The following PABPC4L variants were observed in gnomAD, a reference collection of about 807,000 sequenced individuals.
PABPC4L encodes the protein poly(A) binding protein cytoplasmic 4 like.
For synonymous variants in PABPC4L, 169 were observed against 164.1 expected, an observed-to-expected ratio of 1.03 and a Z score of -0.23; for missense variants, 452 against 451.4, an observed-to-expected ratio of 1.00 and a Z score of -0.01.
downstream of PABPC4L, among the ~76,000 whole-genome samples, chr4:134,193,358 AT>A (rs1169719616): frequency 5.3e-5 from 8 of 151,996 alleles, no homozygotes; most frequent in Non-Finnish European, 8.8e-5. Flanking sequence ...AAAAGCAGAA[AT>A]GTGAAGAATG....
the PABPC4L span, among the ~76,000 whole-genome samples, chr4:134,124,706 C>A: frequency 8.2e-4 from 125 of 152,102 alleles, 1 homozygote; most frequent in African/African-American, 2.6e-3. Context: ...GATAAAGTAG[C>A]CTTACTTTTG....
At chr4:134,080,949 G>A in the PABPC4L span, among the ~76,000 whole-genome samples, 2 of 152,082 alleles carry the variant, frequency 1.3e-5, no homozygotes, top group South Asian at 4.1e-4. Context: ...TGTATGCTAA[G>A]TTCTAAGGCA....
chr4:134,099,368 C>A, the PABPC4L span, among the ~76,000 whole-genome samples: 1 of 151,690 alleles, frequency 6.6e-6, no homozygotes. Flanking sequence ...GCAGGCTAAG[C>A]ATGTACATCT....
At chr4:134,173,159 C>CAAAAAA in the PABPC4L span, among the ~76,000 whole-genome samples, 44 of 77,736 alleles carry the variant, frequency 5.7e-4, no homozygotes, top group Non-Finnish European at 6.2e-4. Flanking sequence ...GGAGATTCCT[C>CAAAAAA]AAAAAAAAAA....
the PABPC4L span, among the ~76,000 whole-genome samples, chr4:134,012,048 G>T: frequency 6.6e-6 from 1 of 151,958 alleles, no homozygotes; most frequent in East Asian, 1.9e-4. Context: ...TATTCTTGAA[G>T]ATTTTCTTTC....
At chr4:134,135,705 T>C in the PABPC4L span, among the ~76,000 whole-genome samples, 1 of 151,932 alleles carries the variant, frequency 6.6e-6, no homozygotes, top group African/African-American at 2.4e-5. Context: ...TGGTGGCACA[T>C]GCCTATAATC....
At chr4:134,057,558 T>C in the PABPC4L span, among the ~76,000 whole-genome samples, 1 of 152,202 alleles carries the variant, frequency 6.6e-6, no homozygotes, top group Non-Finnish European at 1.5e-5. Context: ...GGTGTGACCC[T>C]ATTACTGCTC....
the PABPC4L span, among the ~76,000 whole-genome samples, chr4:134,095,066 C>T: frequency 6.6e-6 from 1 of 151,672 alleles, no homozygotes. Context: ...CAAGGTAGTA[C>T]TTCTTTTACA....
chr4:134,146,732 T>C, the PABPC4L span, among the ~76,000 whole-genome samples: 2 of 152,050 alleles, frequency 1.3e-5, no homozygotes, highest in Non-Finnish European at 2.9e-5. Context: ...AGGGTTTTTA[T>C]GGGCTTAGAA....
the PABPC4L span, among the ~76,000 whole-genome samples, chr4:134,176,217 A>G: frequency 9.2e-5 from 14 of 152,244 alleles, no homozygotes; most frequent in Non-Finnish European, 1.8e-4. Flanking sequence ...ATTTTTATTC[A>G]TGATATAATT....
the PABPC4L span, among the ~76,000 whole-genome samples, chr4:134,056,477 T>A: frequency 6.6e-6 from 1 of 151,968 alleles, no homozygotes; most frequent in Non-Finnish European, 1.5e-5. Context: ...AGCATAGTAT[T>A]TCTTTGCATC....
At chr4:134,201,584 A>G (rs1395105310) in intron 1 of PABPC4L, 134 bp downstream of exon 1, 1 of 176,500 alleles carries the variant, frequency 5.7e-6, no homozygotes, top group South Asian at 1.2e-4. Flanking sequence ...CGTCCTGAAG[A>G]CCTAGGGGGC....
At chr4:133,995,992 T>G in the PABPC4L span, among the ~76,000 whole-genome samples, 1 of 152,190 alleles carries the variant, frequency 6.6e-6, no homozygotes, top group Non-Finnish European at 1.5e-5. Context: ...TTCATACACC[T>G]GATTGACTTG....
At chr4:134,004,545 A>C in the PABPC4L span, among the ~76,000 whole-genome samples, 1 of 151,860 alleles carries the variant, frequency 6.6e-6, no homozygotes, top group Non-Finnish European at 1.5e-5. Context: ...TAGTACAGCC[A>C]CTATAGAAAT....
chr4:134,200,381 A>G lies in PABPC4L; in HGVS notation c.639T>C (p.Tyr213=). ...TCACCTTAACACTCAGAGTTTTGCC[A>G]TATTTGCTGAAAACGTCCTTCAATC... ...DERLKDVFSK[Y]GKTLSVKVMT... is the part of the protein sequence containing the mutation. Residue 213 remains tyrosine (Y), a synonymous_variant, in exon 2 of 2, where the codon TAT becomes TAC. Transcript: ENST00000421491. The G allele has an allele frequency of 6.4e-7, 1 of 1,573,736 alleles. No individual in the cohort carries two copies. Among genetic ancestry groups the G allele is most frequent in the Admixed American group, 1.8e-5 (1 of 54,636 alleles).
At chr4:134,015,142 T>C in the PABPC4L span, among the ~76,000 whole-genome samples, 5 of 152,212 alleles carry the variant, frequency 3.3e-5, 1 homozygote, top group Admixed American at 2.6e-4. Flanking sequence ...ACCCTTACCC[T>C]GCTCAATGCC....
the PABPC4L span, among the ~76,000 whole-genome samples, chr4:134,112,481 C>T: frequency 6.6e-6 from 1 of 151,820 alleles, no homozygotes; most frequent in Non-Finnish European, 1.5e-5. Flanking sequence ...AAGTTATCTA[C>T]TCAACTTATA....
At chr4:133,989,661 C>T in the PABPC4L span, among the ~76,000 whole-genome samples, 1 of 152,096 alleles carries the variant, frequency 6.6e-6, no homozygotes, top group African/African-American at 2.4e-5. Context: ...TTCTTCTGAG[C>T]CCTCCAAACT....
chr4:134,155,093 C>T, the PABPC4L span, among the ~76,000 whole-genome samples: 12 of 151,924 alleles, frequency 7.9e-5, no homozygotes, highest in African/African-American at 2.9e-4. Context: ...ATGGTATTGC[C>T]AGAGGTGACA....
Sources: allele counts gnomAD v4.1 joint callset (sites outside exome capture counted in the v4.1 genomes callset), GRCh38; gene constraint gnomAD v4.1.1; transcripts MANE v1.5; gene names NCBI Gene and HGNC (gene_info 2026-07-23, HGNC 2026-07-21).